The following GALNT17 variants were observed in gnomAD, a reference collection of about 807,000 sequenced individuals.
GALNT17 encodes the protein polypeptide N-acetylgalactosaminyltransferase 17.
Under a neutral mutation model 63.7 loss-of-function variants are expected in GALNT17, and 29 were observed. The observed-to-expected ratio is 0.46, with a 90% CI of 0.34 to 0.62. The LOEUF (loss-of-function observed/expected upper bound fraction) is 0.62. Ranked by LOEUF, GALNT17 falls within the 20% of genes least tolerant of loss-of-function variation. The pLI is 0.01. For synonymous variants in GALNT17, 305 were observed against 318.3 expected (o/e 0.96, Z 0.45); for missense variants, 603 against 799.6 (o/e 0.75, Z 2.97).
intron 5 of GALNT17, among the ~76,000 whole-genome samples, chr7:71,551,773 AGAGAG>A (rs1308055210): frequency 0.1 from 4,490 of 44,946 alleles, 74 homozygotes; most frequent in Middle Eastern, 0.23. Context: ...AAAAAAAAAA[AGAGAG>A]AGAGAGAGAG....
At chr7:71,426,458 A>C (rs989085831) in intron 5 of GALNT17, among the ~76,000 whole-genome samples, 2 of 152,160 alleles carry the variant, frequency 1.3e-5, no homozygotes, top group Admixed American at 6.5e-5. Flanking sequence ...GCGGTTCTTG[A>C]ATTGCTACAA....
chr7:71,290,472 G>A (rs1416433875), intron 1 of GALNT17, among the ~76,000 whole-genome samples: 1 of 152,118 alleles, frequency 6.6e-6, no homozygotes, highest in Non-Finnish European at 1.5e-5. Context: ...GAGGCTGTAG[G>A]AACCTTGGGG....
intron 1 of GALNT17, among the ~76,000 whole-genome samples, chr7:71,263,996 G>A (rs376338393): frequency 5.3e-5 from 8 of 152,258 alleles, no homozygotes; most frequent in Admixed American, 2.6e-4. Context: ...GTAAATTTGC[G>A]TTTTCTGGCA....
intron 2 of GALNT17, among the ~76,000 whole-genome samples, chr7:71,338,285 C>G (rs957130129): frequency 6.6e-6 from 1 of 151,824 alleles, no homozygotes; most frequent in Admixed American, 6.5e-5. Flanking sequence ...CAAGATAGTG[C>G]CACTGCACTC....
chr7:71,692,718 A>AT (rs749907977), intron 9 of GALNT17, among the ~76,000 whole-genome samples: 405 of 137,416 alleles, frequency 2.9e-3, no homozygotes, highest in Non-Finnish European at 4.9e-3. Flanking sequence ...GTACTTTTTA[A>AT]TTTTTTTATT....
At chr7:71,470,561 T>C (rs1182984022) in intron 5 of GALNT17, among the ~76,000 whole-genome samples, 1 of 152,004 alleles carries the variant, frequency 6.6e-6, no homozygotes, top group Non-Finnish European at 1.5e-5. Flanking sequence ...AATGAAAAGA[T>C]TGATCCAAGT....
At chr7:71,435,597 C>A (rs947980718) in intron 5 of GALNT17, among the ~76,000 whole-genome samples, 1 of 152,122 alleles carries the variant, frequency 6.6e-6, no homozygotes, top group Non-Finnish European at 1.5e-5. Context: ...TTCATCTGAT[C>A]TTCGGGCCCC....
At chr7:71,434,203 G>A (rs1196929948) in intron 5 of GALNT17, among the ~76,000 whole-genome samples, 5 of 152,134 alleles carry the variant, frequency 3.3e-5, no homozygotes, top group African/African-American at 1.2e-4. Flanking sequence ...ACGGCTTATT[G>A]CGGGACTTCA....
rs527336246 is a variant in GALNT17, at chr7:71,185,622, C to T, written c.238+52582C>T. ...TCCTGGGTTCACGCCATTCTCCTGC[C>T]TCAGCCTCCCGAGTAGCTGGGACTA... On this transcript the variant is annotated intron_variant, in intron 1 of 10. Coordinates refer to ENST00000333538, the MANE Select transcript of GALNT17 (RefSeq NM_022479.3). Among the ~76,000 whole-genome samples, 3 of 151,668 alleles carry T rather than the reference C, an allele frequency of 2.0e-5. No homozygotes were observed. In the East Asian group the frequency reaches 5.9e-4, roughly 30 times the overall value.
At chr7:71,402,841 G>A (rs747048471) in intron 3 of GALNT17, among the ~76,000 whole-genome samples, 17 of 152,214 alleles carry the variant, frequency 1.1e-4, no homozygotes, top group South Asian at 2.1e-4. Context: ...TTCCTGTGTC[G>A]CTGAGGCTCT....
At chr7:71,338,728 T>G (rs1307380530) in intron 2 of GALNT17, among the ~76,000 whole-genome samples, 1 of 152,248 alleles carries the variant, frequency 6.6e-6, no homozygotes, top group Non-Finnish European at 1.5e-5. Context: ...AGATTTGTAG[T>G]GTCTCTCTTT....
chr7:71,246,115 G>GTTTTT lies in GALNT17; in HGVS notation c.239-89415_239-89411dup, dbSNP rs61447370. 1.7e-3 allele frequency among the ~76,000 whole-genome samples: 156 copies of GTTTTT among 91,992 alleles called. 1 individual carries two copies. Among genetic ancestry groups the GTTTTT allele is most frequent in the African/African-American group, 5.0e-3 (123 of 24,626 alleles). 60.4% of individuals were successfully genotyped at this position (91,992 alleles called of 152,430 possible). A position where few individuals can be genotyped will look rare whatever the true frequency, so the allele number is the denominator to read the frequency against. On this transcript the variant is annotated intron_variant, in intron 1 of 10. Coordinates refer to ENST00000333538, the MANE Select transcript of GALNT17 (RefSeq NM_022479.3). ...TGATGGCCTCATAGCTTTTTTCGTT[G>GTTTTT]TTTTTTTTTTTTTTTTTTTTTTTTG...
chr7:71,549,384 A>G (rs753659503), intron 5 of GALNT17, among the ~76,000 whole-genome samples: 1 of 152,136 alleles, frequency 6.6e-6, no homozygotes, highest in African/African-American at 2.4e-5. Context: ...CTTAGGCTAC[A>G]TAGTAAGACT....
chr7:71,474,284 G>C (rs764054766), intron 5 of GALNT17, among the ~76,000 whole-genome samples: 1 of 152,088 alleles, frequency 6.6e-6, no homozygotes, highest in Admixed American at 6.5e-5. Flanking sequence ...CTTCTTTACC[G>C]CAGCCTGTTT....
chr7:71,572,370 T>G (rs1269141584), intron 6 of GALNT17, among the ~76,000 whole-genome samples: 1 of 150,648 alleles, frequency 6.6e-6, no homozygotes, highest in East Asian at 2.0e-4. Context: ...GGTGTGATTG[T>G]GTGAACCTGT....
chr7:71,295,765 A>G (rs1283000891), intron 1 of GALNT17, among the ~76,000 whole-genome samples: 4 of 151,964 alleles, frequency 2.6e-5, no homozygotes, highest in Non-Finnish European at 5.9e-5. Flanking sequence ...TGCCTGGCCA[A>G]TTAAAAAAAA....
intron 5 of GALNT17, among the ~76,000 whole-genome samples, chr7:71,543,318 G>A (rs1437008384): frequency 6.6e-6 from 1 of 152,114 alleles, no homozygotes; most frequent in Non-Finnish European, 1.5e-5. Flanking sequence ...TATGACACTA[G>A]GTTTTTGAGA....
intron 1 of GALNT17, among the ~76,000 whole-genome samples, chr7:71,256,948 G>C (rs923444335): frequency 4.6e-5 from 7 of 152,162 alleles, no homozygotes; most frequent in Non-Finnish European, 7.4e-5. Context: ...TTGAGCAGGA[G>C]AGGGAAGAGT....
intron 1 of GALNT17, among the ~76,000 whole-genome samples, chr7:71,173,866 A>G (rs1175881956): frequency 6.6e-6 from 1 of 152,198 alleles, no homozygotes; most frequent in Non-Finnish European, 1.5e-5. Flanking sequence ...TGTCCTTAAT[A>G]TCAGAGCAGT....
Sources: gnomAD v4.1 joint callset for allele counts (sites outside exome capture counted in the v4.1 genomes callset) on GRCh38, gnomAD v4.1.1 for gene constraint, MANE v1.5 for transcripts, NCBI Gene and HGNC (gene_info 2026-07-23, HGNC 2026-07-21) for gene names.